The following ASAP2 variants were observed in gnomAD, a reference collection of about 807,000 sequenced individuals.
ASAP2 encodes arf-GAP with SH3 domain, ANK repeat and PH domain-containing protein 2.
A neutral mutation model predicts 131.4 loss-of-function variants in ASAP2; 45 were observed. That is an observed-to-expected ratio of 0.34 (90% CI 0.27 to 0.44). The LOEUF (loss-of-function observed/expected upper bound fraction) is 0.44. Ranked by LOEUF, ASAP2 falls within the 20% of genes least tolerant of loss-of-function variation. ASAP2 has a pLI of 1.00. For missense variants in ASAP2, 1,011 were observed against 1,297.0 expected, an observed-to-expected ratio of 0.78 and a Z score of 3.39; for synonymous variants, 510 against 503.0, an observed-to-expected ratio of 1.01 and a Z score of -0.19.
intron 1 of ASAP2, chr2:9,271,433 A>G: frequency 7.0e-7 from 1 of 1,426,694 alleles, no homozygotes; most frequent in South Asian, 1.2e-5. Flanking sequence ...TTGCAGGCAA[A>G]CTTCTTAAAC....
rs1454416324 is a variant in ASAP2, at chr2:9,348,640, AT to A, written c.1024-2162del. On this transcript the variant is annotated intron_variant, in intron 11 of 27. Coordinates refer to ENST00000281419, the MANE Select transcript of ASAP2 (RefSeq NM_003887.3). ...TTGTGGACCCATTCTTATGGTTGTC[AT>A]TTTTTAATATGTAGGCACATTTATG... Among the ~76,000 whole-genome samples, 4 of 152,306 alleles carry A rather than the reference AT, an allele frequency of 2.6e-5. No individual in the cohort carries two copies. In the East Asian group the frequency reaches 7.7e-4, roughly 29 times the overall value.
intron 1 of ASAP2, among the ~76,000 whole-genome samples, chr2:9,261,921 G>C (rs1316975336): frequency 6.6e-6 from 1 of 152,250 alleles, no homozygotes; most frequent in Admixed American, 6.5e-5. Flanking sequence ...GTTCAAGAGA[G>C]AGGCCAGTTG....
chr2:9,386,212 A>G (rs142179326), intron 21 of ASAP2, among the ~76,000 whole-genome samples: 158 of 151,894 alleles, frequency 1.0e-3, no homozygotes, highest in Non-Finnish European at 1.9e-3. Context: ...ATGGATGGAT[A>G]GGTCAGTAGG....
At chr2:9,344,365 G>C (rs190991153) in intron 9 of ASAP2, among the ~76,000 whole-genome samples, 167 bp from the exon 10 acceptor site, 89 of 152,198 alleles carry the variant, frequency 5.8e-4, no homozygotes, top group Middle Eastern at 3.4e-3. Flanking sequence ...TCAGTTCCTA[G>C]AGCAGAATCT....
At chr2:9,276,831 C>T (rs865811305) in intron 1 of ASAP2, among the ~76,000 whole-genome samples, 14 of 152,260 alleles carry the variant, frequency 9.2e-5, no homozygotes, top group African/African-American at 3.1e-4. Context: ...TGAGCCACTG[C>T]GCATGGTCTC....
At chr2:9,354,637 CT>C (rs1672569891) in intron 12 of ASAP2, among the ~76,000 whole-genome samples, 1 of 146,710 alleles carries the variant, frequency 6.8e-6, no homozygotes, top group African/African-American at 2.6e-5. Context: ...CAGAGTGAGA[CT>C]CCGTCTCAAA....
At chr2:9,242,391 A>G (rs1433488652) in intron 1 of ASAP2, among the ~76,000 whole-genome samples, 2 of 152,204 alleles carry the variant, frequency 1.3e-5, no homozygotes, top group Non-Finnish European at 2.9e-5. Flanking sequence ...ACCTCTAGTG[A>G]TCTGCTTCTA....
chr2:9,395,489 T>A (rs9710920), intron 24 of ASAP2, among the ~76,000 whole-genome samples: 12,252 of 150,122 alleles, frequency 0.082, 1,569 homozygotes, highest in African/African-American at 0.28. Context: ...AATAAAAAAA[T>A]AAAGAATTTG....
At chr2:9,355,983 T>C in intron 12 of ASAP2, 64 bp from the exon 13 acceptor site, 1 of 1,571,214 alleles carries the variant, frequency 6.4e-7, no homozygotes, top group Admixed American at 1.7e-5. Context: ...AGAAACTATT[T>C]TCTTTTGGAA....
At chr2:9,330,691 T>G (rs1240008000) in intron 7 of ASAP2, among the ~76,000 whole-genome samples, 2 of 152,220 alleles carry the variant, frequency 1.3e-5, no homozygotes, top group African/African-American at 4.8e-5. Flanking sequence ...CTACAGTTCT[T>G]ATGTCAGGCA....
chr2:9,401,427 G>A (rs1484129756), intron 27 of ASAP2, 31 bp downstream of exon 27: 2 of 1,609,120 alleles, frequency 1.2e-6, no homozygotes, highest in Non-Finnish European at 1.7e-6. Context: ...GGAGGTTCCT[G>A]GGGGCTGAGC....
intron 24 of ASAP2, among the ~76,000 whole-genome samples, chr2:9,395,585 G>GTTTTTTTTCT (rs1558401378): frequency 2.9e-4 from 22 of 76,208 alleles, no homozygotes; most frequent in African/African-American, 8.6e-4. Flanking sequence ...TTTTTCTTGT[G>GTTTTTTTTCT]TTTTTTTTCT....
intron 1 of ASAP2, among the ~76,000 whole-genome samples, chr2:9,240,997 G>A (rs888253458): frequency 2.6e-5 from 4 of 152,194 alleles, no homozygotes; most frequent in African/African-American, 4.8e-5. Context: ...GAGGCAGGAC[G>A]GTGTGAGATT....
chr2:9,397,328 C>T (rs191257813), intron 24 of ASAP2, among the ~76,000 whole-genome samples: 14 of 152,284 alleles, frequency 9.2e-5, no homozygotes, highest in Non-Finnish European at 1.3e-4. Flanking sequence ...TTCTCAGAAG[C>T]GTTCTAGCTG....
At chr2:9,256,246 G>A (rs1429914718) in intron 1 of ASAP2, among the ~76,000 whole-genome samples, 1 of 151,648 alleles carries the variant, frequency 6.6e-6, no homozygotes, top group Admixed American at 6.6e-5. Context: ...TGCCAACCAT[G>A]TGCCAGCTTG....
chr2:9,400,147 G>T (rs1676499600), intron 25 of ASAP2, 75 bp downstream of exon 25: 1 of 1,380,782 alleles, frequency 7.2e-7, no homozygotes, highest in African/African-American at 1.9e-5. Context: ...TTCCTGCCAG[G>T]TGGTCAGGAC....
At chr2:9,367,095 A>T (rs1673538284) in intron 15 of ASAP2, among the ~76,000 whole-genome samples, 2 of 140,316 alleles carry the variant, frequency 1.4e-5, no homozygotes, top group South Asian at 4.5e-4. Flanking sequence ...CAGTGGTGTG[A>T]TCTCGGCTCA....
chr2:9,279,796 A>G (rs1027997217), intron 2 of ASAP2, among the ~76,000 whole-genome samples: 1 of 151,786 alleles, frequency 6.6e-6, no homozygotes, highest in African/African-American at 2.4e-5. Context: ...TGCCTTTTCT[A>G]GTATAGGAAG....
At chr2:9,251,732 C>A (rs1449766897) in intron 1 of ASAP2, among the ~76,000 whole-genome samples, 1 of 151,662 alleles carries the variant, frequency 6.6e-6, no homozygotes, top group African/African-American at 2.4e-5. Context: ...GGCTGGAGGA[C>A]ATCAGCGTGG....
Sources: allele counts gnomAD v4.1 joint callset (sites outside exome capture counted in the v4.1 genomes callset), GRCh38; gene constraint gnomAD v4.1.1; transcripts MANE v1.5; gene names NCBI Gene and HGNC (gene_info 2026-07-23, HGNC 2026-07-21).